Variants in SEPTIN9 observed in about 807,000 individuals in gnomAD.
The protein encoded by SEPTIN9 is septin 9, also known as septin-9.
Under a neutral mutation model 56.6 loss-of-function variants are expected in SEPTIN9, and 13 were observed. That is an observed-to-expected ratio of 0.23 (90% CI 0.15 to 0.37). The LOEUF (loss-of-function observed/expected upper bound fraction) is 0.37, where lower values mean the gene tolerates loss of function less well. Among genes scored for constraint, SEPTIN9 ranks in the 10% least tolerant of loss-of-function variants. The pLI, the probability that SEPTIN9 is intolerant of heterozygous loss-of-function variation, is 1.00. For missense variants in SEPTIN9, 650 were observed against 823.1 expected, an observed-to-expected ratio of 0.79 and a Z score of 2.57; for synonymous variants, 332 against 334.1, an observed-to-expected ratio of 0.99 and a Z score of 0.07.
intron 3 of SEPTIN9, among the ~76,000 whole-genome samples, chr17:77,443,371 T>C (rs1172528013): frequency 6.6e-6 from 1 of 152,190 alleles, no homozygotes; most frequent in East Asian, 1.9e-4. Flanking sequence ...TAGAGCTGGC[T>C]ACAGACCACA....
rs978270070 is a variant in SEPTIN9, at chr17:77,456,926, G to A, written c.722-25218G>A. Among the ~76,000 whole-genome samples the A allele has an allele frequency of 1.3e-5, 2 of 152,212 alleles. No individual in the cohort carries two copies. The highest frequency in any genetic ancestry group is 2.9e-5 in the Non-Finnish European group (2 of 68,026). On this transcript the variant is annotated intron_variant, in intron 3 of 11. Transcript: ENST00000427177. This position sits in a 1 kb window ranked among gnomAD's most constrained non-coding sequence, Gnocchi z 6.0. ...CCAGTACCAGGTCTCAGGGACCAGC[G>A]CTGGGACCCTGGATGACTGAAGGAG...
chr17:77,290,670 C>G (rs1230683185), intron 1 of SEPTIN9, among the ~76,000 whole-genome samples: 1 of 150,388 alleles, frequency 6.6e-6, no homozygotes, highest in Admixed American at 6.6e-5. Flanking sequence ...AAAAAATTAG[C>G]TGGGTGCAGT....
In SEPTIN9 at chr17:77,451,935, C is replaced by T. The variant is rs1414360439; in HGVS notation, c.722-30209C>T. On this transcript the variant is annotated intron_variant, in intron 3 of 11. Transcript: ENST00000427177. This position sits in a 1 kb window ranked among gnomAD's most constrained non-coding sequence, Gnocchi z 4.2. ...TTGGCCACCGCTTTCTCTAAAATCA[C>T]TCCGCTCAAGTTATCACCCCTCTGG... is the stretch of plus-strand genomic sequence containing the variant. 6.6e-6 allele frequency among the ~76,000 whole-genome samples: 1 copy of T among 152,196 alleles called. No homozygotes were observed. The highest frequency in any genetic ancestry group is 1.5e-5 in the Non-Finnish European group (1 of 68,044).
chr17:77,355,869 C>A (rs2034216684), intron 2 of SEPTIN9, among the ~76,000 whole-genome samples: 1 of 150,354 alleles, frequency 6.7e-6, no homozygotes, highest in African/African-American at 2.4e-5. Context: ...GTAGTCCCAG[C>A]TACTCGGGAG....
Position 77,492,529 on chromosome 17 carries a change from C to T in SEPTIN9, c.1381-92C>T. 8.7e-7 allele frequency: 1 copy of T among 1,142,868 alleles called. No homozygotes were observed. The highest frequency in any genetic ancestry group is 1.3e-6 in the Non-Finnish European group (1 of 751,012). The allele number at this position is 1,142,868 out of a possible 1,614,324, so 70.8% of individuals were successfully genotyped here. ...CCTGCCCTTGAACCCGAGCCTGGGG[C>T]AGCACACAGTGTGGAGGTCATGTGG... is the stretch of plus-strand genomic sequence containing the variant. On this transcript the variant is annotated intron_variant, in intron 8 of 11. Transcript: ENST00000427177. This position sits in a 1 kb window ranked among gnomAD's most constrained non-coding sequence, Gnocchi z 5.4.
intron 2 of SEPTIN9, chr17:77,320,370 C>A: frequency 6.2e-7 from 1 of 1,603,964 alleles, no homozygotes. Context: ...GCCCCCTCCC[C>A]ATCGGCCGCC....
chr17:77,305,720 G>A (rs1003351098), intron 1 of SEPTIN9, among the ~76,000 whole-genome samples: 2 of 151,744 alleles, frequency 1.3e-5, no homozygotes, highest in African/African-American at 4.8e-5. Context: ...CAGTTGCTGA[G>A]TCTGGTGTCC....
chr17:77,475,487 A>T lies in SEPTIN9; in HGVS notation c.722-6657A>T. 1 of 1,596,458 alleles carries T rather than the reference A, an allele frequency of 6.3e-7. No homozygotes were observed. The highest frequency in any genetic ancestry group is 8.5e-7 in the Non-Finnish European group (1 of 1,172,104). On this transcript the variant is annotated intron_variant, in intron 3 of 11. Transcript: ENST00000427177. This position sits in a 1 kb window ranked among gnomAD's most constrained non-coding sequence, Gnocchi z 4.6. The stretch of plus-strand genomic sequence containing the variant: ...AGCCCCTTTGTGGGGGACAGGGAGC[A>T]TCTGTTAGTTTATAGGACCTGAAGT...
intron 3 of SEPTIN9, among the ~76,000 whole-genome samples, chr17:77,441,626 C>G (rs1227803088): frequency 3.3e-5 from 5 of 152,216 alleles, no homozygotes; most frequent in Non-Finnish European, 7.3e-5. Flanking sequence ...CCGCTTGTCT[C>G]CCAAGCCACC....
intron 4 of SEPTIN9, chr17:77,483,712 G>C (rs567015131): frequency 6.6e-6 from 1 of 152,266 alleles, no homozygotes; most frequent in Admixed American, 6.5e-5. Context: ...AGCAGCCCTC[G>C]CCTTCCGTGG....
chr17:77,371,572 G>A lies in SEPTIN9; in HGVS notation c.77-30487G>A, dbSNP rs903844464. Reference sequence around the variant, plus strand: ...TGTGTTGTTGGGCTGAGTTTCTTAGGTACTGGACCCCCAAATCCCCAAATA... The same window carrying A: ...TGTGTTGTTGGGCTGAGTTTCTTAGATACTGGACCCCCAAATCCCCAAATA... On this transcript the variant is annotated intron_variant, in intron 2 of 11. Transcript: ENST00000427177. The surrounding 1 kb of genome is among the most constrained non-coding windows in gnomAD (Gnocchi z 4.1). Among the ~76,000 whole-genome samples the A allele has an allele frequency of 6.6e-6, 1 of 152,206 alleles. No individual in the cohort carries two copies. The highest frequency in any genetic ancestry group is 2.4e-5 in the African/African-American group (1 of 41,448).
intron 3 of SEPTIN9, among the ~76,000 whole-genome samples, chr17:77,413,944 T>C (rs1224531703): frequency 3.1e-5 from 2 of 63,508 alleles, no homozygotes; most frequent in Non-Finnish European, 4.0e-5. Flanking sequence ...TATTTTCTTT[T>C]TTTTTTTTTT....
rs757998034 is a variant in SEPTIN9, at chr17:77,429,143, T to TG, written c.721+26445dup. On this transcript the variant is annotated intron_variant, in intron 3 of 11. Transcript: ENST00000427177. The surrounding 1 kb of genome is among the most constrained non-coding windows in gnomAD (Gnocchi z 5.2). ...AGGCCAAGCTCCTGGGGTGGGGACTTGGGGGTGTGTCTGCAGCTCCTGAGG... is the reference window on the plus strand; with the variant it reads ...AGGCCAAGCTCCTGGGGTGGGGACTTGGGGGGTGTGTCTGCAGCTCCTGAGG... 2 of 471,548 alleles carry TG rather than the reference T, an allele frequency of 4.2e-6. No homozygotes were observed. The highest frequency in any genetic ancestry group is 3.1e-5 in the South Asian group (2 of 64,584). The allele number at this position is 471,548 out of a possible 1,614,324, so 29.2% of individuals were successfully genotyped here.
At chr17:77,349,347 C>A (rs1446537691) in intron 2 of SEPTIN9, among the ~76,000 whole-genome samples, 1 of 152,196 alleles carries the variant, frequency 6.6e-6, no homozygotes, top group Non-Finnish European at 1.5e-5. Context: ...GAACTCCTGA[C>A]CTCAAGTGAT....
At chr17:77,352,918 G>C (rs1007186344) in intron 2 of SEPTIN9, among the ~76,000 whole-genome samples, 1 of 152,040 alleles carries the variant, frequency 6.6e-6, no homozygotes, top group Non-Finnish European at 1.5e-5. Flanking sequence ...CAAAACACTG[G>C]GATTAGAGAC....
intron 2 of SEPTIN9, among the ~76,000 whole-genome samples, chr17:77,357,708 G>A (rs981103932): frequency 1.3e-5 from 2 of 151,968 alleles, no homozygotes; most frequent in African/African-American, 2.4e-5. Flanking sequence ...TCCAACTCCC[G>A]AGCTCAAGCA....
In SEPTIN9 at chr17:77,488,832, C is replaced by T; in HGVS notation, c.1230C>T (p.Cys410=). 1 of 1,613,762 alleles carries T rather than the reference C, an allele frequency of 6.2e-7. No individual in the cohort carries two copies. The highest frequency in any genetic ancestry group is 8.5e-7 in the Non-Finnish European group (1 of 1,179,864). The part of the protein sequence containing the change: ...KKRIPDTRVH[C]CLYFIPATGH... ...GCATCCCGGACACCCGCGTCCACTGCTGCCTCTACTTCATCCCCGCCACCG... is the reference window on the plus strand; with the variant it reads ...GCATCCCGGACACCCGCGTCCACTGTTGCCTCTACTTCATCCCCGCCACCG... The change falls in exon 7 of 12, where the codon TGC becomes TGT. Residue 410 remains cysteine (C), a synonymous_variant. Transcript: ENST00000427177.
Position 77,476,023 on chromosome 17 carries a change from C to T in SEPTIN9, c.722-6121C>T, listed in dbSNP as rs1303528144. 1.8e-5 allele frequency: 19 copies of T among 1,047,282 alleles called. No individual in the cohort carries two copies. Among genetic ancestry groups the T allele is most frequent in the East Asian group, 7.2e-5 (3 of 41,932 alleles). The allele number at this position is 1,047,282 out of a possible 1,614,324, so 64.9% of individuals were successfully genotyped here. On this transcript the variant is annotated intron_variant, in intron 3 of 11. Coordinates refer to ENST00000427177, the MANE Select transcript of SEPTIN9 (RefSeq NM_001113491.2). This position sits in a 1 kb window ranked among gnomAD's most constrained non-coding sequence, Gnocchi z 6.0. ...AGCACTTTGTCCTGGGGTGCAGGCC[C>T]GGCTGTCACTCCCCTGGAGCTGGGA...
In SEPTIN9 at chr17:77,435,550, C is replaced by T. The variant is rs1398483017; in HGVS notation, c.721+32847C>T. ...CACCTGATTGGCAGCAGAGTGGCCC[C>T]TCCTTGGTGTGGTCTGGAGGTGCCA... On this transcript the variant is annotated intron_variant, in intron 3 of 11. Transcript: ENST00000427177. This position sits in a 1 kb window ranked among gnomAD's most constrained non-coding sequence, Gnocchi z 4.5. 6.6e-6 allele frequency among the ~76,000 whole-genome samples: 1 copy of T among 152,220 alleles called. No homozygotes were observed. The highest frequency in any genetic ancestry group is 1.9e-4 in the East Asian group (1 of 5,198).
Sources: gnomAD v4.1 joint callset for allele counts (sites outside exome capture counted in the v4.1 genomes callset) on GRCh38, gnomAD v4.1.1 for gene constraint, Gnocchi (gnomAD v3.1) non-coding constraint, MANE v1.5 for transcripts, NCBI Gene and HGNC (gene_info 2026-07-23, HGNC 2026-07-21) for gene names.